The following IFT74 variants were observed in gnomAD, a reference collection of about 807,000 sequenced individuals.
IFT74 encodes intraflagellar transport protein 74 homolog.
IFT74 carries 92 observed loss-of-function variants against 96.7 expected under a neutral mutation model. The ratio of observed to expected loss-of-function variants is 0.95; its 90% confidence interval spans 0.80 to 1.13. The LOEUF (loss-of-function observed/expected upper bound fraction) is 1.13. Ranked by LOEUF, IFT74 falls within the 50% of genes most tolerant of loss-of-function variation. The probability of loss-of-function intolerance (pLI) is 0.00; values close to 1 mark genes in which losing one functional copy is unlikely to be tolerated. For missense variants in IFT74, 811 were observed against 698.2 expected (o/e 1.16, Z -1.82); for synonymous variants, 223 against 213.2 (o/e 1.05, Z -0.40).
chr9:26,982,517 C>A (rs1487774749), intron 4 of IFT74: 2 of 296,682 alleles, frequency 6.7e-6, no homozygotes, highest in Admixed American at 9.4e-5. Context: ...AGTGCAATGG[C>A]CTGATCTCTG....
chr9:27,035,583 G>A (rs1013556221), intron 13 of IFT74, among the ~76,000 whole-genome samples: 5 of 152,100 alleles, frequency 3.3e-5, no homozygotes, highest in African/African-American at 9.7e-5. Context: ...AAGTCCTCCT[G>A]GTGATTCTGA....
upstream of IFT74, among the ~76,000 whole-genome samples, chr9:26,952,147 C>A (rs1403643053): frequency 1.3e-5 from 2 of 152,022 alleles, no homozygotes; most frequent in African/African-American, 4.8e-5. Flanking sequence ...TTTAAGGACA[C>A]TTTTTCCTTT....
intron 16 of IFT74, among the ~76,000 whole-genome samples, chr9:27,054,791 T>G (rs536137389): frequency 6.6e-6 from 1 of 152,318 alleles, no homozygotes; most frequent in Admixed American, 6.5e-5. Context: ...ATAAAGAGGT[T>G]TCCTTTTTGC....
chr9:26,981,978 A>G (rs1247515341), intron 4 of IFT74, among the ~76,000 whole-genome samples: 1 of 151,716 alleles, frequency 6.6e-6, no homozygotes, highest in Non-Finnish European at 1.5e-5. Flanking sequence ...CATATTGGCC[A>G]GGCTGGTCTT....
Position 27,063,910 on chromosome 9 carries a change from A to C in IFT74, c.*1174A>C, listed in dbSNP as rs1293196063. Among the ~76,000 whole-genome samples the C allele has an allele frequency of 6.6e-6, 1 of 152,150 alleles. No individual in the cohort carries two copies. The highest frequency in any genetic ancestry group is 2.4e-5 in the African/African-American group (1 of 41,462). On this transcript the variant is annotated 3_prime_UTR_variant, in exon 20 of 20. Transcript: ENST00000380062. ...CTGGACATTCATTAAGGTAGCATTC[A>C]TAAAATGTGTTCCATAAATCCTGAG...
intron 16 of IFT74, 125 bp downstream of exon 16, chr9:27,048,399 G>A (rs1819786267): frequency 1.6e-6 from 1 of 620,604 alleles, no homozygotes; most frequent in East Asian, 3.0e-5. Context: ...CCAGAATTAT[G>A]TGTGGCTTTT....
chr9:26,994,256 T>TA lies in IFT74; in HGVS notation c.587+4061_587+4062insA, dbSNP rs1291444459. 7.9e-5 allele frequency: 12 copies of TA among 152,248 alleles called. 1 individual carries two copies. The East Asian group carries it at 1.9e-3, about 25-fold the overall frequency. 9.4% of individuals were successfully genotyped at this position (152,248 alleles called of 1,614,324 possible). On this transcript the variant is annotated intron_variant, in intron 8 of 19. Transcript: ENST00000380062. ...ACATAAATCCTATTGTAAAGAATCT[T>TA]GGCCAGGCACGGTGCTCCATGCCTG...
intron 13 of IFT74, among the ~76,000 whole-genome samples, chr9:27,033,121 G>A (rs974807351): frequency 2.6e-5 from 4 of 152,120 alleles, no homozygotes; most frequent in Non-Finnish European, 4.4e-5. Flanking sequence ...TTTAAATGGA[G>A]TAATACTAAT....
At chr9:27,025,297 G>T (rs149162979) in intron 12 of IFT74, among the ~76,000 whole-genome samples, 5 of 149,566 alleles carry the variant, frequency 3.3e-5, no homozygotes, top group East Asian at 1.9e-4. Flanking sequence ...ACAAAAATCC[G>T]CTGGGCATGG....
At chr9:27,052,845 T>C (rs1347636852) in intron 16 of IFT74, among the ~76,000 whole-genome samples, 1 of 152,082 alleles carries the variant, frequency 6.6e-6, no homozygotes, top group Non-Finnish European at 1.5e-5. Flanking sequence ...AGAATGGATT[T>C]AGTGTACTCC....
At chr9:26,968,410 T>C (rs10967632) in intron 2 of IFT74, among the ~76,000 whole-genome samples, 24,777 of 151,954 alleles carry the variant, frequency 0.16, 2,986 homozygotes, top group East Asian at 0.68. Flanking sequence ...TATAGGCATG[T>C]GCTACCACGT....
In IFT74 at chr9:27,066,020, T is replaced by C. The variant is rs1033448990; in HGVS notation, c.*3284T>C. Among the ~76,000 whole-genome samples the C allele has an allele frequency of 1.3e-5, 2 of 152,226 alleles. No homozygotes were observed. The highest frequency in any genetic ancestry group is 4.1e-4 in the South Asian group (2 of 4,836). On this transcript the variant is annotated 3_prime_UTR_variant, in exon 20 of 20. Transcript: ENST00000380062. ...AAATAAAATGAAGAAAGTAAGTTAC[T>C]TGTGATCTCACCAGTCTTTTTAGAT...
At chr9:26,972,212 A>G (rs1826910732) in intron 2 of IFT74, among the ~76,000 whole-genome samples, 1 of 152,182 alleles carries the variant, frequency 6.6e-6, no homozygotes, top group Admixed American at 6.5e-5. Flanking sequence ...TTTTTTTAAC[A>G]GAATGGTCTT....
intron 2 of IFT74, among the ~76,000 whole-genome samples, chr9:26,971,438 C>T (rs186130401): frequency 2.3e-3 from 356 of 152,270 alleles, no homozygotes; most frequent in African/African-American, 8.2e-3. Flanking sequence ...GAGACAAGAC[C>T]TCCCTCATGA....
At chr9:27,032,592 GT>G (rs1273823424) in intron 13 of IFT74, among the ~76,000 whole-genome samples, 1 of 152,130 alleles carries the variant, frequency 6.6e-6, no homozygotes, top group Non-Finnish European at 1.5e-5. Context: ...TCCTGGCCGG[GT>G]GCAGTGGCTC....
At chr9:27,013,229 A>G (rs1829194035) in intron 10 of IFT74, among the ~76,000 whole-genome samples, 1 of 151,742 alleles carries the variant, frequency 6.6e-6, no homozygotes, top group Non-Finnish European at 1.5e-5. Context: ...TTCTTTTTTC[A>G]CCCTAACATT....
chr9:26,994,719 G>C (rs1468385241), intron 8 of IFT74: 1 of 152,534 alleles, frequency 6.6e-6, no homozygotes, highest in Admixed American at 6.6e-5. Context: ...TGAATAGATA[G>C]AAATAGCTGT....
Position 26,980,574 on chromosome 9 carries a change from C to T in IFT74, c.260C>T (p.Pro87Leu), listed in dbSNP as rs1343520632. ...LTGMKTGTKG[P>L]QRQILDKSYY... ...CACTTAAAACATTTTTTTTTAGGTCCCCAGAGGCAAATTTTAGACAAATCT... is the reference window on the plus strand; with the variant it reads ...CACTTAAAACATTTTTTTTTAGGTCTCCAGAGGCAAATTTTAGACAAATCT... Residue 87 changes from proline (P) to leucine (L), a missense_variant, in exon 4 of 20, where the codon CCC becomes CTC. Coordinates refer to ENST00000380062, the MANE Select transcript of IFT74 (RefSeq NM_025103.4). 6.2e-7 allele frequency: 1 copy of T among 1,602,938 alleles called. No individual in the cohort carries two copies. The highest frequency in any genetic ancestry group is 8.5e-7 in the Non-Finnish European group (1 of 1,170,530).
intron 1 of IFT74, among the ~76,000 whole-genome samples, chr9:26,947,627 A>C (rs944984438): frequency 1.3e-5 from 2 of 152,166 alleles, no homozygotes; most frequent in African/African-American, 4.8e-5. Flanking sequence ...GGTCATCCTC[A>C]CTGCTTTTCC....
Sources: gnomAD v4.1 joint callset for allele counts (sites outside exome capture counted in the v4.1 genomes callset) on GRCh38, gnomAD v4.1.1 for gene constraint, MANE v1.5 for transcripts, NCBI Gene and HGNC (gene_info 2026-07-23, HGNC 2026-07-21) for gene names.